TRIM41: variants seen among roughly 807,000 people sequenced by gnomAD.
TRIM41 encodes the protein tripartite motif containing 41.
Under a neutral mutation model 60.6 loss-of-function variants are expected in TRIM41, and 21 were observed. The observed-to-expected ratio is 0.35, with a 90% confidence interval of 0.25 to 0.50. The LOEUF is 0.50. Ranked by LOEUF, TRIM41 falls within the 20% of genes least tolerant of loss-of-function variation. The pLI is 0.98. For synonymous variants in TRIM41, 407 were observed against 344.9 expected, an observed-to-expected ratio of 1.18 and a Z score of -2.00; for missense variants, 846 against 868.3, an observed-to-expected ratio of 0.97 and a Z score of 0.32.
chr5:181,233,967 AG>A lies in TRIM41; in HGVS notation c.1292-205del. On this transcript the variant is annotated intron_variant, in intron 5 of 5. Transcript: ENST00000315073. The surrounding 1 kb of genome is among the most constrained non-coding windows in gnomAD (Gnocchi z 4.1). ...GGAGGGTGGGGTGGGGTGGAGTGGC[AG>A]GAAGAGCCAGGCTGGGGGAAGACCT... 2 of 1,145,202 alleles carry A rather than the reference AG, an allele frequency of 1.7e-6. No homozygotes were observed. The highest frequency in any genetic ancestry group is 2.9e-5 in the South Asian group (2 of 68,468). 70.9% of individuals were successfully genotyped at this position (1,145,202 alleles called of 1,614,324 possible).
At position 181,234,730 on chromosome 5, in the gene TRIM41, C is replaced by T. The variant is rs1280744458; in HGVS notation, c.1848C>T (p.Phe616=). ...TCCTGGGCGAGCGTGTCTTTCCTTTCTTCCGGGTGCTCTCCAAGGGCACCC... is the reference window on the plus strand; with the variant it reads ...TCCTGGGCGAGCGTGTCTTTCCTTTTTTCCGGGTGCTCTCCAAGGGCACCC... ...AAFLGERVFP[F]FRVLSKGTRI... is the part of the protein sequence containing the mutation. Residue 616 remains phenylalanine, a synonymous_variant, in exon 6 of 6, where the codon TTC becomes TTT. Coordinates refer to ENST00000315073, the MANE Select transcript of TRIM41 (RefSeq NM_033549.5). This position sits in a 1 kb window ranked among gnomAD's most constrained non-coding sequence, Gnocchi z 5.6. The T allele has an allele frequency of 3.1e-6, 5 of 1,613,872 alleles. No homozygotes were observed. The South Asian group carries it at 3.3e-5, about 11-fold the overall frequency.
At chr5:181,229,509 G>A (rs928291116) in intron 1 of TRIM41, 1 of 152,260 alleles carries the variant, frequency 6.6e-6, no homozygotes, top group African/African-American at 2.4e-5. Flanking sequence ...TTAAAGAAAA[G>A]TATTTGGCTA....
chr5:181,231,150 TAGC>T (rs1758779818), intron 2 of TRIM41: 1 of 314,924 alleles, frequency 3.2e-6, no homozygotes, highest in South Asian at 2.9e-5. Flanking sequence ...AAAACCCACA[TAGC>T]AGCCATCAGA....
chr5:181,235,355 C>G lies in TRIM41; in HGVS notation c.*580C>G. 1 of 1,614,198 alleles carries G rather than the reference C, an allele frequency of 6.2e-7. No individual in the cohort carries two copies. On this transcript the variant is annotated 3_prime_UTR_variant, in exon 6 of 6. Transcript: ENST00000315073. ...CGTCCTCAATTTCTACCTCCATAGA[C>G]CGGCCAGAATTTAGCTTCACTTGAG...
rs1758921081 is a variant in TRIM41, at chr5:181,233,851, CTG to C, written c.1291+91_1291+92del. On this transcript the variant is annotated intron_variant, in intron 5 of 5. Coordinates refer to ENST00000315073, the MANE Select transcript of TRIM41 (RefSeq NM_033549.5). The surrounding 1 kb of genome is among the most constrained non-coding windows in gnomAD (Gnocchi z 4.1). ...TGAGGGAAGTTGGGCCCCAGGGAAA[CTG>C]TGGGGCTTGAGATGGAGCAGGATCC... is the stretch of plus-strand genomic sequence containing the variant. 2.5e-6 allele frequency: 4 copies of C among 1,592,042 alleles called. No homozygotes were observed. Among genetic ancestry groups the C allele is most frequent in the East Asian group, 2.2e-5 (1 of 44,712 alleles).
intron 2 of TRIM41, chr5:181,231,224 G>A (rs1490231243): frequency 1.5e-5 from 4 of 262,112 alleles, no homozygotes; most frequent in African/African-American, 8.8e-5. Context: ...GCATGAGGCG[G>A]ACACTGTCCT....
rs1026943592 is a variant in TRIM41, at chr5:181,223,745, A to C, written c.-255A>C. ...CAAGGGAGCATTGGGGCAGACTTGTACTCAGAGCCACCTGAGGGACTTGGC... is the reference window on the plus strand; with the variant it reads ...CAAGGGAGCATTGGGGCAGACTTGTCCTCAGAGCCACCTGAGGGACTTGGC... On this transcript the variant is annotated 5_prime_UTR_variant, in exon 1 of 6. Coordinates refer to ENST00000315073, the MANE Select transcript of TRIM41 (RefSeq NM_033549.5). 3 of 593,806 alleles carry C rather than the reference A, an allele frequency of 5.1e-6. No individual in the cohort carries two copies. The highest frequency in any genetic ancestry group is 4.0e-5 in the South Asian group (2 of 49,590). 36.8% of individuals were successfully genotyped at this position (593,806 alleles called of 1,614,324 possible).
chr5:181,231,026 T>C, intron 2 of TRIM41, 187 bp downstream of exon 2: 2 of 486,968 alleles, frequency 4.1e-6, no homozygotes, highest in Non-Finnish European at 7.7e-6. Flanking sequence ...GCATGTTCAT[T>C]CCTGGTTCCA....
Position 181,224,281 on chromosome 5 carries a change from C to G in TRIM41, c.282C>G (p.Asp94Glu). Reference protein sequence around the residue: ...TPMRDEDYEGDMEEEVEEEEE... With the variant: ...TPMRDEDYEGEMEEEVEEEEE... ...TGCGGGATGAAGACTACGAGGGTGA[C>G]ATGGAGGAGGAGGTCGAGGAGGAAG... is the stretch of plus-strand genomic sequence containing the variant. The change falls in exon 1 of 6, where the codon GAC (aspartate) becomes GAG (glutamate). Residue 94 changes from aspartate to glutamate, a missense_variant. By Grantham distance (45) the Asp-to-Glu change is conservative. Coordinates refer to ENST00000315073, the MANE Select transcript of TRIM41 (RefSeq NM_033549.5). 1 of 1,613,734 alleles carries G rather than the reference C, an allele frequency of 6.2e-7. No individual in the cohort carries two copies. Among genetic ancestry groups the G allele is most frequent in the Non-Finnish European group, 8.5e-7 (1 of 1,179,950 alleles).
chr5:181,232,454 G>A (rs1758843667), intron 2 of TRIM41: 3 of 570,260 alleles, frequency 5.3e-6, no homozygotes, highest in Middle Eastern at 9.2e-4. Context: ...CCAGGCAGAG[G>A]TTAGTGAGTT....
In TRIM41 at chr5:181,232,749, C is replaced by A. The variant is rs746078141; in HGVS notation, c.1000C>A (p.Arg334Ser). ...LAEEQAGLER[R>S]LREMHEAQLG... is the part of the protein sequence containing the mutation. ...TGAAGAGCAGGCAGGGCTGGAACGG[C>A]GTCTCAGAGAGATGCATGAAGCCCA... The change falls in exon 3 of 6, where the codon CGT becomes AGT. Residue 334 changes from arginine (R) to serine (S), a missense_variant. By Grantham distance (110) the Arg-to-Ser change is moderately radical. Coordinates refer to ENST00000315073, the MANE Select transcript of TRIM41 (RefSeq NM_033549.5). 6.2e-7 allele frequency: 1 copy of A among 1,613,662 alleles called. No individual in the cohort carries two copies. Among genetic ancestry groups the A allele is most frequent in the Non-Finnish European group, 8.5e-7 (1 of 1,179,994 alleles).
rs1178569930 is a variant in TRIM41 at position 181,228,946 on chromosome 5, A to C, written c.814-1798A>C. The C allele has an allele frequency of 2.0e-5, 3 of 151,812 alleles. No individual in the cohort carries two copies. In the East Asian group the frequency reaches 5.8e-4, roughly 29 times the overall value. 9.4% of individuals were successfully genotyped at this position (151,812 alleles called of 1,614,324 possible). Reference sequence around the variant, plus strand: ...AAGACTCTGTCTCAAAAAAAAAAAAAAAAAAAAAAAAACAGTAAATGGTAA... The same window carrying C: ...AAGACTCTGTCTCAAAAAAAAAAAACAAAAAAAAAAAACAGTAAATGGTAA... On this transcript the variant is annotated intron_variant, in intron 1 of 5. Coordinates refer to ENST00000315073, the MANE Select transcript of TRIM41 (RefSeq NM_033549.5).
chr5:181,234,111 T>C lies in TRIM41; in HGVS notation c.1292-63T>C, dbSNP rs933884407. ...GAGAAAGGGGGCCCAATCTGTGGAG[T>C]TGGCTGCTGACAGGGGAACAGCCGT... On this transcript the variant is annotated intron_variant, in intron 5 of 5. Transcript: ENST00000315073. The surrounding 1 kb of genome is among the most constrained non-coding windows in gnomAD (Gnocchi z 5.6). 3.8e-6 allele frequency: 6 copies of C among 1,599,086 alleles called. No homozygotes were observed. Among genetic ancestry groups the C allele is most frequent in the Non-Finnish European group, 3.4e-6 (4 of 1,179,440 alleles).
At position 181,234,950 on chromosome 5, in the gene TRIM41, T is replaced by C. The variant is rs1373219754; in HGVS notation, c.*175T>C. 3 of 1,613,974 alleles carry C rather than the reference T, an allele frequency of 1.9e-6. No individual in the cohort carries two copies. Among genetic ancestry groups the C allele is most frequent in the South Asian group, 2.2e-5 (2 of 91,080 alleles). Reference sequence around the variant, plus strand: ...CCTCTAGGAGCCTAAAGAACCCTCCTGGCCTCCAGCTCAGCCTTCTCTCAC... The same window carrying C: ...CCTCTAGGAGCCTAAAGAACCCTCCCGGCCTCCAGCTCAGCCTTCTCTCAC... On this transcript the variant is annotated 3_prime_UTR_variant, in exon 6 of 6. Transcript: ENST00000315073. This position sits in a 1 kb window ranked among gnomAD's most constrained non-coding sequence, Gnocchi z 5.6.
intron 1 of TRIM41, chr5:181,225,463 A>C (rs1016519185): frequency 5.7e-5 from 9 of 157,614 alleles, no homozygotes; most frequent in African/African-American, 2.2e-4. Context: ...TATTCACTGG[A>C]CATTTATATG....
In TRIM41 at chr5:181,234,587, C is replaced by G; in HGVS notation, c.1705C>G (p.Leu569Val). The G allele has an allele frequency of 6.2e-7, 1 of 1,614,220 alleles. No homozygotes were observed. The highest frequency in any genetic ancestry group is 8.5e-7 in the Non-Finnish European group (1 of 1,180,024). ...YQAQSSTEQTLLSPSEKPRRF... is the reference protein window; with the variant it reads ...YQAQSSTEQTVLSPSEKPRRF... Reference sequence around the variant, plus strand: ...GGCCCAGAGCTCCACAGAACAGACGCTGCTGAGCCCCAGTGAGAAACCAAG... The same window carrying G: ...GGCCCAGAGCTCCACAGAACAGACGGTGCTGAGCCCCAGTGAGAAACCAAG... The change falls in exon 6 of 6, where the codon CTG (leucine) becomes GTG (valine). Residue 569 changes from leucine (L) to valine (V), a missense_variant. Leu to Val is a conservative substitution (Grantham distance 32, BLOSUM62 1). Transcript: ENST00000315073. The surrounding 1 kb of genome is among the most constrained non-coding windows in gnomAD (Gnocchi z 5.6).
chr5:181,230,853 C>G lies in TRIM41; in HGVS notation c.909+14C>G, dbSNP rs1179251833. The G allele has an allele frequency of 2.5e-6, 4 of 1,608,776 alleles. No homozygotes were observed. Among genetic ancestry groups the G allele is most frequent in the South Asian group, 2.2e-5 (2 of 90,898 alleles). On this transcript the variant is annotated intron_variant, in intron 2 of 5. Coordinates refer to ENST00000315073, the MANE Select transcript of TRIM41 (RefSeq NM_033549.5). ...ACAGAACTGAAGGTGGGTGAATGTTCTCGACGGGGCTGATGGGCAGTACAG... is the reference window on the plus strand; with the variant it reads ...ACAGAACTGAAGGTGGGTGAATGTTGTCGACGGGGCTGATGGGCAGTACAG...
Position 181,224,734 on chromosome 5 carries a change from C to T in TRIM41, c.735C>T (p.Ile245=). The T allele has an allele frequency of 6.2e-7, 1 of 1,614,196 alleles. No homozygotes were observed. The highest frequency in any genetic ancestry group is 8.5e-7 in the Non-Finnish European group (1 of 1,180,036). ...KLFCEVDEEA[I]CVVCRESRSH... The stretch of plus-strand genomic sequence containing the variant: ...TCTGCGAGGTAGACGAAGAGGCCAT[C>T]TGTGTGGTGTGCCGAGAATCCAGGA... The change falls in exon 1 of 6, where the codon ATC becomes ATT. Residue 245 remains isoleucine, a synonymous_variant. Coordinates refer to ENST00000315073, the MANE Select transcript of TRIM41 (RefSeq NM_033549.5).
At position 181,224,738 on chromosome 5, in the gene TRIM41, G is replaced by A. The variant is rs1454644337; in HGVS notation, c.739G>A (p.Val247Met). The A allele has an allele frequency of 5.0e-6, 8 of 1,614,242 alleles. No homozygotes were observed. The highest frequency in any genetic ancestry group is 6.8e-6 in the Non-Finnish European group (8 of 1,180,040). Reference sequence around the variant, plus strand: ...CGAGGTAGACGAAGAGGCCATCTGTGTGGTGTGCCGAGAATCCAGGAGCCA... The same window carrying A: ...CGAGGTAGACGAAGAGGCCATCTGTATGGTGTGCCGAGAATCCAGGAGCCA... ...FCEVDEEAIC[V>M]VCRESRSHKQ... Residue 247 changes from valine (V) to methionine (M), a missense_variant, in exon 1 of 6, where the codon GTG becomes ATG. Coordinates refer to ENST00000315073, the MANE Select transcript of TRIM41 (RefSeq NM_033549.5).
Sources: allele counts gnomAD v4.1 joint callset, GRCh38; gene constraint gnomAD v4.1.1; non-coding constraint Gnocchi (gnomAD v3.1); transcripts MANE v1.5; gene names NCBI Gene and HGNC (gene_info 2026-07-23, HGNC 2026-07-21).